The following KRIT1 variants were observed in gnomAD, a reference collection of about 807,000 sequenced individuals.
KRIT1 encodes the protein KRIT1 ankyrin repeat containing.
A neutral mutation model predicts 95.8 loss-of-function variants in KRIT1; 45 were observed. The observed-to-expected ratio is 0.47, with a 90% CI of 0.37 to 0.60. The LOEUF (loss-of-function observed/expected upper bound fraction) is 0.60, where lower values mean the gene tolerates loss of function less well. KRIT1 is among the 20% of genes least tolerant of loss of function. The pLI, the probability that KRIT1 is intolerant of heterozygous loss-of-function variation, is 0.00. For synonymous variants in KRIT1, 282 were observed against 278.8 expected, an observed-to-expected ratio of 1.01 and a Z score of -0.11; for missense variants, 788 against 877.5, an observed-to-expected ratio of 0.90 and a Z score of 1.29.
At chr7:92,219,737 T>C (rs943450653) in intron 14 of KRIT1, among the ~76,000 whole-genome samples, 2 of 152,230 alleles carry the variant, frequency 1.3e-5, no homozygotes, top group African/African-American at 2.4e-5. Context: ...AGTAGTGACA[T>C]CTTAACGATG....
chr7:92,223,005 G>C (rs372474087), intron 12 of KRIT1, 27 bp from the exon 13 acceptor site: 35 of 1,516,624 alleles, frequency 2.3e-5, no homozygotes, highest in Non-Finnish European at 2.6e-5. Flanking sequence ...CTTACGTAAC[G>C]AACTTAAAAA....
chr7:92,238,146 GT>G (rs1798820330), intron 5 of KRIT1, among the ~76,000 whole-genome samples: 3 of 152,136 alleles, frequency 2.0e-5, no homozygotes. Flanking sequence ...AAGTCTTAAT[GT>G]TTAGTGGCTC....
chr7:92,214,477 T>C, intron 15 of KRIT1, 134 bp downstream of exon 15: 1 of 669,852 alleles, frequency 1.5e-6, no homozygotes, highest in Non-Finnish European at 2.5e-6. Context: ...ATATTTTTTC[T>C]CATTCTATGT....
rs775077705 is a variant in KRIT1, at chr7:92,222,985, G to C, written c.1255-7C>G. On this transcript the variant is annotated splice_polypyrimidine_tract_variant and splice_region_variant and intron_variant, in intron 12 of 18. Coordinates refer to ENST00000394505, the MANE Select transcript of KRIT1 (RefSeq NM_194454.3). ...ATATTCGAACTTTTTCATACTACAA[G>C]AAACGATAACTTACGTAACGAACTT... 1 of 1,594,898 alleles carries C rather than the reference G, an allele frequency of 6.3e-7. No individual in the cohort carries two copies. The highest frequency in any genetic ancestry group is 8.6e-7 in the Non-Finnish European group (1 of 1,163,958).
At chr7:92,235,735 T>A in intron 7 of KRIT1, 89 bp from the exon 8 acceptor site, 1 of 1,181,548 alleles carries the variant, frequency 8.5e-7, no homozygotes, top group Non-Finnish European at 1.2e-6. Context: ...ATATGACACT[T>A]GTGAATATTA....
At chr7:92,233,909 G>T (rs995635071) in intron 10 of KRIT1, among the ~76,000 whole-genome samples, 10 of 152,162 alleles carry the variant, frequency 6.6e-5, no homozygotes, top group African/African-American at 2.2e-4. Context: ...GCTACACTGG[G>T]CAACTAGTGG....
chr7:92,235,395 A>G lies in KRIT1; in HGVS notation c.729+8T>C, dbSNP rs1208375976. The stretch of plus-strand genomic sequence containing the variant: ...TTAAATCAGAGCTAAAATTCATTCA[A>G]CTCTTACCCGATTTGTATACTGAAG... On this transcript the variant is annotated splice_region_variant and intron_variant, in intron 8 of 18. Coordinates refer to ENST00000394505, the MANE Select transcript of KRIT1 (RefSeq NM_194454.3). 14 of 1,613,276 alleles carry G rather than the reference A, an allele frequency of 8.7e-6. No homozygotes were observed. Among genetic ancestry groups the G allele is most frequent in the Non-Finnish European group, 1.1e-5 (13 of 1,179,514 alleles).
chr7:92,200,499 G>A lies in KRIT1; in HGVS notation c.*237C>T, dbSNP rs1272187221. The A allele has an allele frequency of 4.3e-6, 2 of 459,974 alleles. No homozygotes were observed. The highest frequency in any genetic ancestry group is 4.0e-6 in the Non-Finnish European group (1 of 250,776). The allele number at this position is 459,974 out of a possible 1,614,324, so 28.5% of individuals were successfully genotyped here. ...CTCCCTAGTAGCTAGGATTATAGGC[G>A]CCCGCCACCACACCCAGCTAATTTT... is the stretch of plus-strand genomic sequence containing the variant. On this transcript the variant is annotated 3_prime_UTR_variant, in exon 19 of 19. Transcript: ENST00000394505.
intron 4 of KRIT1, 128 bp from the exon 5 acceptor site, chr7:92,241,280 T>G (rs916112018): frequency 1.4e-6 from 1 of 733,360 alleles, no homozygotes; most frequent in Non-Finnish European, 2.3e-6. Flanking sequence ...TTTAAAACAA[T>G]AGCAATGCCC....
At chr7:92,234,037 A>T (rs1203247647) in intron 10 of KRIT1, among the ~76,000 whole-genome samples, 1 of 152,254 alleles carries the variant, frequency 6.6e-6, no homozygotes, top group Non-Finnish European at 1.5e-5. Context: ...CTAAAAGGAT[A>T]CTTTTATAGC....
In KRIT1 at chr7:92,237,694, A is replaced by G. The variant is rs1310980990; in HGVS notation, c.328T>C (p.Leu110=). Residue 110 remains leucine (L), a synonymous_variant, in exon 6 of 19, where the codon TTA becomes CTA. Transcript: ENST00000394505. ...DGEKMGREAS[L]FIVPSVVKDN... ...TTGACAACTGATGGAACAATAAATAATGATGCTTCTCTGCCCATCTTCTCT... is the reference window on the plus strand; with the variant it reads ...TTGACAACTGATGGAACAATAAATAGTGATGCTTCTCTGCCCATCTTCTCT... 2 of 1,604,726 alleles carry G rather than the reference A, an allele frequency of 1.2e-6. No individual in the cohort carries two copies.
At chr7:92,231,127 G>A (rs1345125788) in intron 10 of KRIT1, among the ~76,000 whole-genome samples, 1 of 152,118 alleles carries the variant, frequency 6.6e-6, no homozygotes, top group Non-Finnish European at 1.5e-5. Flanking sequence ...ATAGGGGTAC[G>A]GGAAGAATAA....
intron 6 of KRIT1, 41 bp downstream of exon 6, chr7:92,237,626 C>A (rs745925253): frequency 8.5e-7 from 1 of 1,174,388 alleles, no homozygotes; most frequent in South Asian, 1.2e-5. Flanking sequence ...TACTTAGCAT[C>A]TAAAGTATAT....
At chr7:92,233,312 A>G (rs1797720823) in intron 10 of KRIT1, among the ~76,000 whole-genome samples, 1 of 152,176 alleles carries the variant, frequency 6.6e-6, no homozygotes. Flanking sequence ...ATATGGATAA[A>G]TAAGCTGAGA....
At chr7:92,217,401 A>T (rs1406401009) in intron 14 of KRIT1, among the ~76,000 whole-genome samples, 1 of 152,172 alleles carries the variant, frequency 6.6e-6, no homozygotes, top group Non-Finnish European at 1.5e-5. Flanking sequence ...CCCAAAGAGA[A>T]ATTCTGCTAA....
At chr7:92,240,499 AATCT>A (rs1181646434) in intron 5 of KRIT1, among the ~76,000 whole-genome samples, 2 of 152,160 alleles carry the variant, frequency 1.3e-5, no homozygotes, top group Admixed American at 6.5e-5. Flanking sequence ...ATTAATTTTT[AATCT>A]ATCTATTATG....
In KRIT1 at chr7:92,214,291, GT is replaced by G. The variant is rs201787999; in HGVS notation, c.1731-313del. ...ACTGAACATAAAACTAGTTTTTATG[GT>G]GGGATTCTTAAGTACATCTGCCTTA... On this transcript the variant is annotated intron_variant, in intron 15 of 18. Transcript: ENST00000394505. Among the ~76,000 whole-genome samples the G allele has an allele frequency of 2.9e-3, 440 of 152,106 alleles. 7 individuals are homozygous for G. The East Asian group carries it at 0.048, about 17-fold the overall frequency.
chr7:92,200,764 T>C lies in KRIT1; in HGVS notation c.2183A>G (p.Gln728Arg), dbSNP rs1197446372. 2 of 1,609,068 alleles carry C rather than the reference T, an allele frequency of 1.2e-6. No individual in the cohort carries two copies. Among genetic ancestry groups the C allele is most frequent in the East Asian group, 4.5e-5 (2 of 44,858 alleles). ...TGAATTTCTTTCAGTGGGCATTAACTGTCCATTTAGCTTCATTAACAGTTT... is the reference window on the plus strand; with the variant it reads ...TGAATTTCTTTCAGTGGGCATTAACCGTCCATTTAGCTTCATTAACAGTTT... ...VVKLLMKLNG[Q>R]LMPTERNS The change falls in exon 19 of 19, where the codon CAG becomes CGG. Residue 728 changes from glutamine (Q) to arginine (R), a missense_variant. By Grantham distance (43) the Gln-to-Arg change is conservative. Transcript: ENST00000394505.
intron 4 of KRIT1, among the ~76,000 whole-genome samples, chr7:92,241,378 G>A (rs1295359357): frequency 1.3e-5 from 2 of 152,150 alleles, no homozygotes; most frequent in Non-Finnish European, 2.9e-5. Context: ...GTGAGAAATG[G>A]TAAGCCACAG....
Sources: gnomAD v4.1 joint callset for allele counts (sites outside exome capture counted in the v4.1 genomes callset) on GRCh38, gnomAD v4.1.1 for gene constraint, MANE v1.5 for transcripts, NCBI Gene and HGNC (gene_info 2026-07-23, HGNC 2026-07-21) for gene names.